The following APBB2 variants were observed in gnomAD, a reference collection of about 807,000 sequenced individuals.
The protein encoded by APBB2 is Fe65-like 1.
A neutral mutation model predicts 82.5 loss-of-function variants in APBB2; 38 were observed. That is an observed-to-expected ratio of 0.46 (90% CI 0.36 to 0.60). The LOEUF (loss-of-function observed/expected upper bound fraction) is 0.60. APBB2 is among the 20% of genes least tolerant of loss of function. APBB2 has a pLI of 0.00. For synonymous variants in APBB2, 341 were observed against 368.2 expected, an observed-to-expected ratio of 0.93 and a Z score of 0.85; for missense variants, 772 against 972.3, an observed-to-expected ratio of 0.79 and a Z score of 2.74.
chr4:40,880,842 A>G (rs1768268705), intron 12 of APBB2: 7 of 980,664 alleles, frequency 7.1e-6, no homozygotes, highest in Non-Finnish European at 8.5e-6. Context: ...CATGCTCACA[A>G]GAAATCCTGA....
At chr4:40,982,600 C>T (rs1799383348) in intron 6 of APBB2, among the ~76,000 whole-genome samples, 1 of 151,712 alleles carries the variant, frequency 6.6e-6, no homozygotes, top group Non-Finnish European at 1.5e-5. Context: ...GAAACCCCGT[C>T]TCTACCAAAA....
At chr4:41,158,786 C>T (rs150931436) in intron 1 of APBB2, among the ~76,000 whole-genome samples, 141 of 152,258 alleles carry the variant, frequency 9.3e-4, no homozygotes, top group African/African-American at 3.3e-3. Context: ...CGATTGAGCA[C>T]CTACTACATG....
intron 12 of APBB2, among the ~76,000 whole-genome samples, chr4:40,884,526 C>A (rs1301037831): frequency 6.6e-6 from 1 of 152,156 alleles, no homozygotes; most frequent in Non-Finnish European, 1.5e-5. Flanking sequence ...CCTGCTATCC[C>A]AGCACTTTGG....
In APBB2 at chr4:41,122,756, A is replaced by G. The variant is rs567388308; in HGVS notation, c.-261+20231T>C. 2.0e-5 allele frequency among the ~76,000 whole-genome samples: 3 copies of G among 152,344 alleles called. No individual in the cohort carries two copies. The South Asian group carries it at 6.2e-4, about 32-fold the overall frequency. ...TTGTAATTTCAGTGATTTTTTTAAAAAACATTACCAGATCAAGTTAGTTCT... is the reference window on the plus strand; with the variant it reads ...TTGTAATTTCAGTGATTTTTTTAAAGAACATTACCAGATCAAGTTAGTTCT... On this transcript the variant is annotated intron_variant, in intron 2 of 17. Transcript: ENST00000508593.
chr4:41,208,465 T>G (rs1433306152), intron 1 of APBB2, among the ~76,000 whole-genome samples: 1 of 152,218 alleles, frequency 6.6e-6, no homozygotes, highest in Non-Finnish European at 1.5e-5. Context: ...TTTCACCATG[T>G]TGGCCAGGCT....
chr4:41,076,375 C>T (rs1735658177), intron 3 of APBB2, among the ~76,000 whole-genome samples: 1 of 152,114 alleles, frequency 6.6e-6, no homozygotes, highest in Non-Finnish European at 1.5e-5. Flanking sequence ...TGCCCCTCCT[C>T]CCACCTCAGC....
intron 1 of APBB2, among the ~76,000 whole-genome samples, chr4:41,164,875 T>A (rs1360440306): frequency 2.0e-5 from 3 of 152,228 alleles, no homozygotes; most frequent in African/African-American, 7.2e-5. Flanking sequence ...TTTAGAGGGC[T>A]AGACTAAATC....
intron 5 of APBB2, among the ~76,000 whole-genome samples, chr4:41,018,625 T>C (rs1007223211): frequency 6.6e-6 from 1 of 152,224 alleles, no homozygotes; most frequent in African/African-American, 2.4e-5. Context: ...GTTGAGCCTT[T>C]TTCCTCTAGT....
chr4:40,984,662 C>A (rs1387561725), intron 6 of APBB2, among the ~76,000 whole-genome samples: 1 of 152,148 alleles, frequency 6.6e-6, no homozygotes, highest in Non-Finnish European at 1.5e-5. Context: ...GGAGTAACAG[C>A]TAACAAGTAG....
chr4:41,074,799 T>C (rs1355972343), intron 3 of APBB2, among the ~76,000 whole-genome samples: 6 of 151,944 alleles, frequency 3.9e-5, no homozygotes, highest in Admixed American at 1.3e-4. Flanking sequence ...TTAGTAGAGA[T>C]GGGGTTTCAC....
intron 7 of APBB2, among the ~76,000 whole-genome samples, chr4:40,942,152 C>G (rs953926098): frequency 9.9e-5 from 15 of 152,198 alleles, no homozygotes; most frequent in African/African-American, 3.4e-4. Flanking sequence ...CTGCTTGGTT[C>G]TTTGACTTAA....
Position 40,823,731 on chromosome 4 carries a change from T to G in APBB2, c.1845A>C (p.Glu615Asp). ...CCTTGTTGGATGAGGTCATAAGATT[T>G]TCTATGGCACTGTTCAAAATATCCA... is the stretch of plus-strand genomic sequence containing the variant. Reference protein sequence around the residue: ...VGMDILNSAIENLMTSSNKED... With the variant: ...VGMDILNSAIDNLMTSSNKED... Residue 615 changes from glutamate to aspartate, a missense_variant, in exon 16 of 18, where the codon GAA becomes GAC. Physicochemically the swap from Glu to Asp is conservative, Grantham distance 45. Transcript: ENST00000508593. The G allele has an allele frequency of 2.5e-6, 4 of 1,613,702 alleles. No homozygotes were observed. In the Admixed American group the frequency reaches 6.7e-5, roughly 27 times the overall value.
intron 4 of APBB2, among the ~76,000 whole-genome samples, chr4:41,064,249 A>T (rs1441295351): frequency 6.6e-6 from 1 of 152,040 alleles, no homozygotes; most frequent in African/African-American, 2.4e-5. Flanking sequence ...AAGTGCTGGG[A>T]TTACAGGCGT....
At chr4:40,862,956 C>G (rs1763133391) in intron 12 of APBB2, among the ~76,000 whole-genome samples, 1 of 151,826 alleles carries the variant, frequency 6.6e-6, no homozygotes, top group Non-Finnish European at 1.5e-5. Flanking sequence ...TCCCTTCTGA[C>G]CCAAATGATT....
chr4:40,838,556 C>T (rs914021800), intron 12 of APBB2, among the ~76,000 whole-genome samples: 3 of 152,092 alleles, frequency 2.0e-5, no homozygotes, highest in Admixed American at 1.3e-4. Flanking sequence ...AGTATGGTCT[C>T]GATCTCCTGA....
intron 3 of APBB2, among the ~76,000 whole-genome samples, chr4:41,094,929 C>A (rs1470006423): frequency 1.3e-5 from 2 of 151,998 alleles, no homozygotes; most frequent in East Asian, 1.9e-4. Flanking sequence ...CTACGAAAGA[C>A]AAAAAAATTC....
chr4:41,046,706 C>T (rs1216296362), intron 4 of APBB2, among the ~76,000 whole-genome samples: 1 of 152,174 alleles, frequency 6.6e-6, no homozygotes, highest in African/African-American at 2.4e-5. Context: ...TTTAAAGGAT[C>T]TCACGGTTCC....
intron 9 of APBB2, 44 bp downstream of exon 9, chr4:40,934,570 C>T: frequency 1.9e-6 from 3 of 1,611,228 alleles, no homozygotes; most frequent in Non-Finnish European, 2.5e-6. Flanking sequence ...ACTATCTGCA[C>T]AAAGCCATAC....
intron 2 of APBB2, among the ~76,000 whole-genome samples, chr4:41,128,698 C>G (rs1363797861): frequency 6.6e-6 from 1 of 152,162 alleles, no homozygotes; most frequent in Non-Finnish European, 1.5e-5. Flanking sequence ...CAAACCAAAC[C>G]TGTGCCCTCA....
Sources: allele counts gnomAD v4.1 joint callset (sites outside exome capture counted in the v4.1 genomes callset), GRCh38; gene constraint gnomAD v4.1.1; transcripts MANE v1.5; gene names NCBI Gene and HGNC (gene_info 2026-07-23, HGNC 2026-07-21).